MYOM1: variants seen among roughly 807,000 people sequenced by gnomAD.
MYOM1 encodes the protein myomesin 1, also known as myomesin-1.
MYOM1 carries 164 observed loss-of-function variants against 205.3 expected under a neutral mutation model. The observed-to-expected ratio is 0.80, with a 90% confidence interval of 0.70 to 0.91. The LOEUF is 0.91. Among genes scored for constraint, MYOM1 ranks in the 40% least tolerant of loss-of-function variants. MYOM1 has a pLI of 0.00. For synonymous variants in MYOM1, 772 were observed against 789.4 expected (o/e 0.98, Z 0.37); for missense variants, 2,011 against 2,127.3 (o/e 0.95, Z 1.08).
intron 10 of MYOM1, among the ~76,000 whole-genome samples, chr18:3,162,851 C>T (rs1378640060): frequency 6.6e-6 from 1 of 151,986 alleles, no homozygotes; most frequent in African/African-American, 2.4e-5. Context: ...CGGTGAAACC[C>T]CATCTCTACT....
rs893142195 is a variant in MYOM1, at chr18:3,067,240, C to A, written c.*22G>T. Reference sequence around the variant, plus strand: ...TTCACACCCAAGTCACACAGGCCGGCTGGCTCTCCTCGCACCTCCGGTCAC... The same window carrying A: ...TTCACACCCAAGTCACACAGGCCGGATGGCTCTCCTCGCACCTCCGGTCAC... On this transcript the variant is annotated 3_prime_UTR_variant, in exon 38 of 38. Coordinates refer to ENST00000356443, the MANE Select transcript of MYOM1 (RefSeq NM_003803.4). The A allele has an allele frequency of 2.6e-6, 4 of 1,567,812 alleles. No individual in the cohort carries two copies. The Admixed American group carries it at 7.5e-5, about 29-fold the overall frequency.
At chr18:3,144,675 T>C (rs1304498933) in intron 13 of MYOM1, among the ~76,000 whole-genome samples, 1 of 152,082 alleles carries the variant, frequency 6.6e-6, no homozygotes, top group East Asian at 1.9e-4. Context: ...AAAAGAAAGC[T>C]GGAATAGCTA....
At chr18:3,180,566 T>C (rs1275785463) in intron 5 of MYOM1, among the ~76,000 whole-genome samples, 1 of 152,180 alleles carries the variant, frequency 6.6e-6, no homozygotes, top group African/African-American at 2.4e-5. Flanking sequence ...TTCTAGAACA[T>C]GAAATTCCAA....
In MYOM1 at chr18:3,214,943, G is replaced by C. The variant is rs761148558; in HGVS notation, c.281C>G (p.Ser94Cys). 1.6e-4 allele frequency: 254 copies of C among 1,597,210 alleles called. No homozygotes were observed. Among genetic ancestry groups the C allele is most frequent in the Non-Finnish European group, 2.0e-4 (232 of 1,169,592 alleles). ...AGGGCGTCCGACATACCCATGGGAG[G>C]AGCCATAATCGTAGGCTGAGGCTGC... ...RKAASAYDYG[S>C]SHGLTDSSLL... Residue 94 changes from serine to cysteine, a missense_variant, in exon 2 of 38, where the codon TCC becomes TGC. Coordinates refer to ENST00000356443, the MANE Select transcript of MYOM1 (RefSeq NM_003803.4).
rs774510887 is a variant in MYOM1, at chr18:3,214,933, C to G, written c.290+1G>C. The G allele has an allele frequency of 5.0e-6, 8 of 1,591,634 alleles. No homozygotes were observed. Among genetic ancestry groups the G allele is most frequent in the Non-Finnish European group, 6.9e-6 (8 of 1,167,088 alleles). On this transcript the variant is annotated splice_donor_variant, in intron 2 of 37. Transcript: ENST00000356443. LOFTEE classifies it high-confidence loss of function. ...AGGTTGGAGGAGGGCGTCCGACATA[C>G]CCATGGGAGGAGCCATAATCGTAGG...
rs116437294 is a variant in MYOM1, at chr18:3,152,026, C to G, written c.1644-133G>C. 5.7e-3 allele frequency: 4,768 copies of G among 834,092 alleles called. 93 individuals are homozygous for G. Among genetic ancestry groups the G allele is most frequent in the African/African-American group, 0.045 (2,604 of 58,154 alleles). 51.7% of individuals were successfully genotyped at this position (834,092 alleles called of 1,614,324 possible). Reference sequence around the variant, plus strand: ...TATCCAAGTCAGGCGTGGCTCGCTACCTGGTGAACTGCATGCAGGCACTCC... The same window carrying G: ...TATCCAAGTCAGGCGTGGCTCGCTAGCTGGTGAACTGCATGCAGGCACTCC... On this transcript the variant is annotated intron_variant, in intron 11 of 37. Coordinates refer to ENST00000356443, the MANE Select transcript of MYOM1 (RefSeq NM_003803.4). The surrounding 1 kb of genome is among the most constrained non-coding windows in gnomAD (Gnocchi z 4.3).
Position 3,173,936 on chromosome 18 carries a change from A to G in MYOM1, c.1174+2T>C, listed in dbSNP as rs1420941976. 6.2e-7 allele frequency: 1 copy of G among 1,613,034 alleles called. No homozygotes were observed. The highest frequency in any genetic ancestry group is 8.5e-7 in the Non-Finnish European group (1 of 1,179,026). On this transcript the variant is annotated splice_donor_variant, in intron 8 of 37. Coordinates refer to ENST00000356443, the MANE Select transcript of MYOM1 (RefSeq NM_003803.4). LOFTEE classifies it high-confidence loss of function. ...ACTTAGTAAATGTGTTTTTAAACTT[A>G]CAGCTGAGGGGCATGGTGGAAGCCC...
chr18:3,189,361 C>CTT lies in MYOM1; in HGVS notation c.432-276_432-275dup, dbSNP rs35154072. Among the ~76,000 whole-genome samples, 1,496 of 144,030 alleles carry CTT rather than the reference C, an allele frequency of 0.01. 22 individuals carry two copies. The highest frequency in any genetic ancestry group is 0.046 in the East Asian group (222 of 4,860). 94.5% of individuals were successfully genotyped at this position (144,030 alleles called of 152,430 possible). ...CCCCTTACAAACCCTATGAGATAAA[C>CTT]TTTTTTTTTTTTTTTGATATGGAGT... On this transcript the variant is annotated intron_variant, in intron 3 of 37. Coordinates refer to ENST00000356443, the MANE Select transcript of MYOM1 (RefSeq NM_003803.4). This position sits in a 1 kb window ranked among gnomAD's most constrained non-coding sequence, Gnocchi z 4.8.
chr18:3,227,135 G>T, the MYOM1 span, among the ~76,000 whole-genome samples: 1 of 151,872 alleles, frequency 6.6e-6, no homozygotes, highest in Admixed American at 6.6e-5. Context: ...TAGATATCTG[G>T]TATGATAATG....
At chr18:3,181,221 C>T (rs772283591) in intron 5 of MYOM1, among the ~76,000 whole-genome samples, 6 of 152,130 alleles carry the variant, frequency 3.9e-5, no homozygotes, top group African/African-American at 4.8e-5. Flanking sequence ...CCACCACGCC[C>T]GGCCAAAGAT....
chr18:3,175,947 A>T (rs2080632902), intron 6 of MYOM1, 95 bp downstream of exon 6: 6 of 761,776 alleles, frequency 7.9e-6, no homozygotes, highest in South Asian at 7.7e-5. Flanking sequence ...ATCACACAGC[A>T]TTGGGATGAA....
In MYOM1 at chr18:3,132,828, T is replaced by C. The variant is rs149679963; in HGVS notation, c.2385-1332A>G. ...ATCCATAAAAACAACCTAACTCTTT[T>C]CATAGCTATTATGGCTATAAATAGC... On this transcript the variant is annotated intron_variant, in intron 16 of 37. Transcript: ENST00000356443. 1.2e-4 allele frequency among the ~76,000 whole-genome samples: 18 copies of C among 152,292 alleles called. No homozygotes were observed. The East Asian group carries it at 3.5e-3, about 29-fold the overall frequency.
In MYOM1 at chr18:3,197,691, G is replaced by A. The variant is rs550721345; in HGVS notation, c.291-3733C>T. Among the ~76,000 whole-genome samples the A allele has an allele frequency of 2.6e-5, 4 of 151,694 alleles. No individual in the cohort carries two copies. In the East Asian group the frequency reaches 7.9e-4, roughly 30 times the overall value. On this transcript the variant is annotated intron_variant, in intron 2 of 37. Coordinates refer to ENST00000356443, the MANE Select transcript of MYOM1 (RefSeq NM_003803.4). The stretch of plus-strand genomic sequence containing the variant: ...GATCGAGACCATCCTAGCTAACATG[G>A]TGAAACCCCGTCTTTACTAAAAATA...
chr18:3,159,187 T>G (rs1476437868), intron 10 of MYOM1, among the ~76,000 whole-genome samples: 4 of 152,240 alleles, frequency 2.6e-5, no homozygotes, highest in African/African-American at 4.8e-5. Flanking sequence ...ATGGCTTTAC[T>G]TTTTATTTGT....
chr18:3,220,588 A>G (rs1463295990), upstream of MYOM1, among the ~76,000 whole-genome samples: 1 of 152,180 alleles, frequency 6.6e-6, no homozygotes, highest in Non-Finnish European at 1.5e-5. Context: ...CCATCTAATA[A>G]GAGATTCTCT....
At chr18:3,137,093 GGCGCCCC>G (rs2079979925) in intron 14 of MYOM1, among the ~76,000 whole-genome samples, 1 of 151,984 alleles carries the variant, frequency 6.6e-6, no homozygotes, top group African/African-American at 2.4e-5. Flanking sequence ...TGGGACTACA[GGCGCCCC>G]CCACCACACC....
chr18:3,182,425 A>C (rs1225844173), intron 5 of MYOM1, among the ~76,000 whole-genome samples: 1 of 152,212 alleles, frequency 6.6e-6, no homozygotes, highest in African/African-American at 2.4e-5. Flanking sequence ...CTAGAACTTA[A>C]AGTATTATAA....
chr18:3,245,566 G>A, the MYOM1 span, among the ~76,000 whole-genome samples: 1 of 150,610 alleles, frequency 6.6e-6, no homozygotes, highest in East Asian at 2.1e-4. Flanking sequence ...ACATTTTATC[G>A]AGATGCTATT....
chr18:3,108,604 C>T (rs1182987853), intron 22 of MYOM1, among the ~76,000 whole-genome samples: 5 of 148,750 alleles, frequency 3.4e-5, no homozygotes, highest in Admixed American at 2.0e-4. Context: ...AGTGCAGTGG[C>T]GTGATCTCAG....
Sources: allele counts gnomAD v4.1 joint callset (sites outside exome capture counted in the v4.1 genomes callset), GRCh38; gene constraint gnomAD v4.1.1; non-coding constraint Gnocchi (gnomAD v3.1); transcripts MANE v1.5; gene names NCBI Gene and HGNC (gene_info 2026-07-23, HGNC 2026-07-21).